Variants in BRINP3 observed in about 807,000 individuals in gnomAD.
The protein encoded by BRINP3 is BMP/retinoic acid inducible neural specific 3.
BRINP3 carries 19 observed loss-of-function variants against 71.0 expected under a neutral mutation model. The observed-to-expected ratio is 0.27, with a 90% CI of 0.19 to 0.39. The LOEUF (loss-of-function observed/expected upper bound fraction) is 0.39. Among genes scored for constraint, BRINP3 ranks in the 10% least tolerant of loss-of-function variants. The probability of loss-of-function intolerance (pLI) is 1.00; values close to 1 mark genes in which losing one functional copy is unlikely to be tolerated. For missense variants in BRINP3, 959 were observed against 940.8 expected (o/e 1.02, Z -0.25); for synonymous variants, 380 against 337.7 (o/e 1.13, Z -1.37).
chr1:190,226,397 A>T, intron 5 of BRINP3, 79 bp from the exon 6 acceptor site: 1 of 758,222 alleles, frequency 1.3e-6, no homozygotes, highest in Non-Finnish European at 2.0e-6. Context: ...ATATTCAATC[A>T]AAACAGTAAA....
At chr1:190,287,591 T>C (rs774091389) in intron 2 of BRINP3, among the ~76,000 whole-genome samples, 1 of 152,122 alleles carries the variant, frequency 6.6e-6, no homozygotes, top group Non-Finnish European at 1.5e-5. Context: ...TGTTTATATG[T>C]AGGATTTCTG....
In BRINP3 at chr1:190,279,581, G is replaced by A. The variant is rs115784769; in HGVS notation, c.427+1979C>T. Among the ~76,000 whole-genome samples the A allele has an allele frequency of 2.5e-3, 374 of 151,942 alleles. 1 individual carries two copies. Among genetic ancestry groups the A allele is most frequent in the African/African-American group, 8.7e-3 (363 of 41,496 alleles). ...TATTCATTTGTGGAACAAGGTAATGGAGAAATAGTGTGTATTTACAGCCAG... is the reference window on the plus strand; with the variant it reads ...TATTCATTTGTGGAACAAGGTAATGAAGAAATAGTGTGTATTTACAGCCAG... On this transcript the variant is annotated intron_variant, in intron 3 of 7. Coordinates refer to ENST00000367462, the MANE Select transcript of BRINP3 (RefSeq NM_199051.3).
At chr1:190,265,837 T>G (rs1212737806) in intron 3 of BRINP3, among the ~76,000 whole-genome samples, 1 of 152,166 alleles carries the variant, frequency 6.6e-6, no homozygotes, top group Non-Finnish European at 1.5e-5. Flanking sequence ...ACCTTTAAAA[T>G]TCAGATAAAG....
chr1:190,412,284 A>T (rs114222088), intron 2 of BRINP3, among the ~76,000 whole-genome samples: 3,985 of 151,608 alleles, frequency 0.026, 184 homozygotes, highest in African/African-American at 0.089. Flanking sequence ...TGTCATGTAA[A>T]ATATAGATTA....
intron 5 of BRINP3, among the ~76,000 whole-genome samples, chr1:190,226,716 G>A (rs1657415888): frequency 6.6e-6 from 1 of 151,776 alleles, no homozygotes; most frequent in South Asian, 2.1e-4. Flanking sequence ...CATTTTGTTT[G>A]CAGACTATCA....
At chr1:190,301,984 T>C (rs1558161515) in intron 2 of BRINP3, among the ~76,000 whole-genome samples, 2 of 151,680 alleles carry the variant, frequency 1.3e-5, no homozygotes, top group African/African-American at 2.4e-5. Context: ...GATAGAAGCA[T>C]TTTTTAACAT....
chr1:190,290,637 T>G (rs773327620), intron 2 of BRINP3, among the ~76,000 whole-genome samples: 1 of 152,112 alleles, frequency 6.6e-6, no homozygotes, highest in East Asian at 1.9e-4. Context: ...GAAATTGAAA[T>G]GATAATTTAA....
At chr1:190,245,576 G>C (rs1571489246) in intron 4 of BRINP3, among the ~76,000 whole-genome samples, 1 of 151,716 alleles carries the variant, frequency 6.6e-6, no homozygotes, top group East Asian at 1.9e-4. Flanking sequence ...TAACAAAAAT[G>C]GAAAGGACAA....
intron 1 of BRINP3, among the ~76,000 whole-genome samples, chr1:190,458,848 A>G (rs190179110): frequency 6.6e-6 from 1 of 152,086 alleles, no homozygotes; most frequent in Non-Finnish European, 1.5e-5. Context: ...AATATTCATA[A>G]CCAAGAGGCT....
rs559236851 is a variant in BRINP3 at position 190,097,668 on chromosome 1, A to G, written c.*350T>C. 1 of 173,430 alleles carries G rather than the reference A, an allele frequency of 5.8e-6. No individual in the cohort carries two copies. The highest frequency in any genetic ancestry group is 1.2e-5 in the Non-Finnish European group (1 of 82,294). The allele number at this position is 173,430 out of a possible 1,614,324, so 10.7% of individuals were successfully genotyped here. On this transcript the variant is annotated 3_prime_UTR_variant, in exon 8 of 8. Coordinates refer to ENST00000367462, the MANE Select transcript of BRINP3 (RefSeq NM_199051.3). ...AGGAATCCCACAGCATTTCTTTTTA[A>G]TAACTGTTCAGCTACAAAATTTTAT...
intron 6 of BRINP3, among the ~76,000 whole-genome samples, chr1:190,208,578 C>T (rs977844458): frequency 6.6e-6 from 1 of 152,050 alleles, no homozygotes; most frequent in South Asian, 2.1e-4. Context: ...CTGCAACAAC[C>T]TCTGTCTCCC....
intron 4 of BRINP3, among the ~76,000 whole-genome samples, chr1:190,249,948 A>T (rs991139418): frequency 6.6e-6 from 1 of 151,976 alleles, no homozygotes; most frequent in African/African-American, 2.4e-5. Flanking sequence ...TTGTAGTTTA[A>T]AAGGAAAGAA....
At chr1:190,397,496 C>A (rs942788894) in intron 2 of BRINP3, among the ~76,000 whole-genome samples, 2 of 151,962 alleles carry the variant, frequency 1.3e-5, no homozygotes, top group Non-Finnish European at 2.9e-5. Flanking sequence ...TCCTTTACTC[C>A]TTGGTCTGAA....
chr1:190,382,560 C>G (rs1157517185), intron 2 of BRINP3, among the ~76,000 whole-genome samples: 1 of 152,128 alleles, frequency 6.6e-6, no homozygotes, highest in Non-Finnish European at 1.5e-5. Flanking sequence ...ATTCCTTAAT[C>G]TTCCCGAGGA....
intron 2 of BRINP3, among the ~76,000 whole-genome samples, chr1:190,434,371 A>T (rs746178451): frequency 3.9e-5 from 6 of 152,100 alleles, no homozygotes; most frequent in Non-Finnish European, 8.8e-5. Flanking sequence ...TGGCTTCCCA[A>T]GGTGCTAAGA....
intron 2 of BRINP3, among the ~76,000 whole-genome samples, chr1:190,333,888 T>G (rs1178087375): frequency 6.6e-6 from 1 of 151,872 alleles, no homozygotes; most frequent in Admixed American, 6.6e-5. Context: ...CATAATTAAT[T>G]TACTTGCTCA....
chr1:190,453,812 A>G (rs1675809165), intron 2 of BRINP3, among the ~76,000 whole-genome samples: 1 of 152,250 alleles, frequency 6.6e-6, no homozygotes, highest in Non-Finnish European at 1.5e-5. Flanking sequence ...CTACATAGAT[A>G]CAGCCACACA....
rs548193490 is a variant in BRINP3 at position 190,173,188 on chromosome 1, T to C, written c.962-12298A>G. On this transcript the variant is annotated intron_variant, in intron 6 of 7. Coordinates refer to ENST00000367462, the MANE Select transcript of BRINP3 (RefSeq NM_199051.3). Reference sequence around the variant, plus strand: ...TCTATTACACACATTCTTCACTCATTACAACCGGAACACTGATTCTGTTGT... The same window carrying C: ...TCTATTACACACATTCTTCACTCATCACAACCGGAACACTGATTCTGTTGT... Among the ~76,000 whole-genome samples, 446 of 152,262 alleles carry C rather than the reference T, an allele frequency of 2.9e-3. 1 individual carries two copies. Among genetic ancestry groups the C allele is most frequent in the Non-Finnish European group, 4.6e-3 (313 of 68,014 alleles).
intron 3 of BRINP3, among the ~76,000 whole-genome samples, chr1:190,270,817 G>T (rs867008973): frequency 6.6e-6 from 1 of 151,580 alleles, no homozygotes; most frequent in Non-Finnish European, 1.5e-5. Flanking sequence ...ATTCCCAGAT[G>T]ATTACACTTG....
Sources: gnomAD v4.1 joint callset for allele counts (sites outside exome capture counted in the v4.1 genomes callset) on GRCh38, gnomAD v4.1.1 for gene constraint, MANE v1.5 for transcripts, NCBI Gene and HGNC (gene_info 2026-07-23, HGNC 2026-07-21) for gene names.